Variants in CCP110 observed in about 807,000 individuals in gnomAD.
CCP110 encodes the protein centriolar coiled-coil protein of 110 kDa.
Under a neutral mutation model 105.5 loss-of-function variants are expected in CCP110, and 43 were observed. The ratio of observed to expected loss-of-function variants is 0.41; its 90% CI spans 0.32 to 0.53. The LOEUF is 0.53. CCP110 is among the 20% of genes least tolerant of loss of function. CCP110 has a pLI of 0.32. For missense variants in CCP110, 1,016 were observed against 1,189.1 expected (o/e 0.85, Z 2.14); for synonymous variants, 353 against 392.1 (o/e 0.90, Z 1.18).
chr16:19,530,945 T>C (rs1969847123), intron 2 of CCP110, among the ~76,000 whole-genome samples: 2 of 152,084 alleles, frequency 1.3e-5, no homozygotes, highest in Non-Finnish European at 2.9e-5. Flanking sequence ...AAAGGAATTC[T>C]TTGGAGATGA....
chr16:19,544,952 T>C (rs1173415453), intron 9 of CCP110, 54 bp downstream of exon 9: 7 of 1,074,330 alleles, frequency 6.5e-6, no homozygotes, highest in Admixed American at 4.4e-5. Flanking sequence ...ATATTTCTCC[T>C]TTTTTATTTA....
chr16:19,531,956 A>G (rs1246581187), intron 2 of CCP110, among the ~76,000 whole-genome samples: 1 of 145,638 alleles, frequency 6.9e-6, no homozygotes, highest in Admixed American at 7.1e-5. Context: ...ACAGAGCAAG[A>G]CTCCATCTCA....
At chr16:19,536,396 C>A in exon 4 of CCP110, 1 of 1,612,574 alleles carries the variant, frequency 6.2e-7, no homozygotes, top group Non-Finnish European at 8.5e-7. Flanking sequence ...AGAAAGAGAA[C>A]AATCTAGACG....
exon 8 of CCP110, chr16:19,542,976 A>C (rs771212845): frequency 6.4e-7 from 1 of 1,567,750 alleles, no homozygotes; most frequent in South Asian, 1.1e-5. Context: ...AGCTGAAGCA[A>C]CTTCGACAAA....
chr16:19,537,293 A>G, exon 4 of CCP110: 2 of 1,614,224 alleles, frequency 1.2e-6, no homozygotes, highest in South Asian at 2.2e-5. Context: ...AACAGAACTG[A>G]ATAAGTCTTA....
exon 9 of CCP110, chr16:19,544,880 G>A: frequency 6.3e-7 from 1 of 1,586,878 alleles, no homozygotes; most frequent in Non-Finnish European, 8.7e-7. Flanking sequence ...CTTCACTTCA[G>A]GAAAGAGTGT....
At chr16:19,550,570 T>C (rs759818947) in intron 14 of CCP110, among the ~76,000 whole-genome samples, 10 of 152,218 alleles carry the variant, frequency 6.6e-5, no homozygotes, top group Non-Finnish European at 1.3e-4. Context: ...CTTTCCTGCT[T>C]AGAGTTTTAA....
chr16:19,552,133 A>G (rs777288000), exon 15 of CCP110: 20 of 152,320 alleles, frequency 1.3e-4, no homozygotes, highest in Middle Eastern at 3.4e-3. Flanking sequence ...AGGGCTATAT[A>G]ATAATAAATC....
chr16:19,535,249 G>T (rs1356913375), intron 3 of CCP110, among the ~76,000 whole-genome samples: 1 of 151,730 alleles, frequency 6.6e-6, no homozygotes, highest in African/African-American at 2.4e-5. Context: ...ATATACGGAT[G>T]TATAATTACC....
At chr16:19,534,958 G>A (rs1025925155) in intron 3 of CCP110, among the ~76,000 whole-genome samples, 3 of 142,114 alleles carry the variant, frequency 2.1e-5, no homozygotes, top group Non-Finnish European at 4.5e-5. Flanking sequence ...TTGGCTCACT[G>A]CAAGCTCCGC....
intron 4 of CCP110, among the ~76,000 whole-genome samples, chr16:19,540,217 C>G (rs1457420513): frequency 6.6e-6 from 1 of 152,184 alleles, no homozygotes; most frequent in African/African-American, 2.4e-5. Flanking sequence ...AAACCTCAAG[C>G]TGAGAAAGCT....
chr16:19,531,920 C>T (rs759952129), intron 2 of CCP110, among the ~76,000 whole-genome samples: 70 of 150,054 alleles, frequency 4.7e-4, no homozygotes, highest in Admixed American at 3.7e-3. Flanking sequence ...GAGCCGAGAT[C>T]GCACCACTGC....
chr16:19,546,545 G>A (rs975746493), intron 12 of CCP110, 71 bp downstream of exon 12: 16 of 858,168 alleles, frequency 1.9e-5, no homozygotes, highest in Non-Finnish European at 2.9e-5. Flanking sequence ...GGCTGGGCAC[G>A]GTGGCTCACG....
chr16:19,533,522 C>T (rs1409763563), intron 3 of CCP110, among the ~76,000 whole-genome samples: 1 of 152,058 alleles, frequency 6.6e-6, no homozygotes, highest in East Asian at 1.9e-4. Flanking sequence ...TTTTGTGAGG[C>T]TTTGATTAGC....
intron 10 of CCP110, among the ~76,000 whole-genome samples, chr16:19,545,608 G>A (rs2301687): frequency 0.15 from 23,302 of 151,996 alleles, 1,845 homozygotes; most frequent in Admixed American, 0.2. Context: ...AGTGTGATTG[G>A]CAAAGGAAAA....
Position 19,548,262 on chromosome 16 carries a change from A to G in CCP110, c.2900+248A>G. 1.7e-6 allele frequency: 1 copy of G among 576,928 alleles called. No individual in the cohort carries two copies. The allele number at this position is 576,928 out of a possible 1,614,324, so 35.7% of individuals were successfully genotyped here. Reference sequence around the variant, plus strand: ...CTTTTCATTTCATACCATTTTACTCATAAAGTATTTTAAATATCCATATAG... The same window carrying G: ...CTTTTCATTTCATACCATTTTACTCGTAAAGTATTTTAAATATCCATATAG... On this transcript the variant is annotated intron_variant, in intron 13 of 14. Coordinates refer to ENST00000381396, the Ensembl canonical transcript of CCP110. This position sits in a 1 kb window ranked among gnomAD's most constrained non-coding sequence, Gnocchi z 4.1.
chr16:19,547,720 T>C, intron 12 of CCP110: 1 of 447,494 alleles, frequency 2.2e-6, no homozygotes, highest in African/African-American at 2.0e-5. Flanking sequence ...GGTTAGTCTA[T>C]ATGTTGGACA....
intron 2 of CCP110, 66 bp from the exon 3 acceptor site, chr16:19,532,350 C>T: frequency 7.2e-7 from 1 of 1,389,462 alleles, no homozygotes; most frequent in Middle Eastern, 1.9e-4. Flanking sequence ...CTTTCTGATT[C>T]ACAACTTCCC....
rs1264947182 is a variant in CCP110, at chr16:19,537,496, T to G, written c.1827T>G (p.Thr609=). 6.2e-7 allele frequency: 1 copy of G among 1,610,090 alleles called. No individual in the cohort carries two copies. Among genetic ancestry groups the G allele is most frequent in the African/African-American group, 1.3e-5 (1 of 74,626 alleles). The stretch of plus-strand genomic sequence containing the variant: ...CTTATGTCATAACAAGTGGAATAAC[T>G]GAACAAGAAAGGCAACATTTGCCAG... Residue 609 remains threonine, a synonymous_variant, in exon 4 of 15, where the codon ACT becomes ACG. Transcript: ENST00000381396.
Sources: gnomAD v4.1 joint callset for allele counts (sites outside exome capture counted in the v4.1 genomes callset) on GRCh38, gnomAD v4.1.1 for gene constraint, Gnocchi (gnomAD v3.1) non-coding constraint, MANE v1.5 for transcripts, NCBI Gene and HGNC (gene_info 2026-07-23, HGNC 2026-07-21) for gene names.